Variants in GALNT13 observed in about 807,000 individuals in gnomAD.
GALNT13 encodes polypeptide N-acetylgalactosaminyltransferase 13, also known as UDP-GalNAc:polypeptide N-acetylgalactosaminyltransferase 13.
Under a neutral mutation model 64.2 loss-of-function variants are expected in GALNT13, and 28 were observed. The observed-to-expected ratio is 0.44, with a 90% CI of 0.32 to 0.60. The LOEUF (loss-of-function observed/expected upper bound fraction) is 0.60, where lower values mean the gene tolerates loss of function less well. GALNT13 is among the 20% of genes least tolerant of loss of function. GALNT13 has a pLI of 0.05. For synonymous variants in GALNT13, 214 were observed against 224.6 expected, an observed-to-expected ratio of 0.95 and a Z score of 0.42; for missense variants, 577 against 669.8, an observed-to-expected ratio of 0.86 and a Z score of 1.53.
the GALNT13 span, among the ~76,000 whole-genome samples, chr2:153,671,950 A>T: frequency 6.6e-6 from 1 of 152,230 alleles, no homozygotes; most frequent in Non-Finnish European, 1.5e-5. Context: ...CAAAAGAGAC[A>T]AAGAAGGCCA....
chr2:153,722,845 A>G, the GALNT13 span, among the ~76,000 whole-genome samples: 12 of 151,290 alleles, frequency 7.9e-5, no homozygotes, highest in Non-Finnish European at 1.3e-4. Context: ...CCAGGACCAG[A>G]TGGATTCACA....
At chr2:153,983,937 A>T (rs1416031280) in intron 3 of GALNT13, among the ~76,000 whole-genome samples, 3 of 151,988 alleles carry the variant, frequency 2.0e-5, no homozygotes, top group Non-Finnish European at 4.4e-5. Flanking sequence ...GTAAATGTTT[A>T]ATGGTATCAC....
At chr2:153,390,939 A>G in the GALNT13 span, among the ~76,000 whole-genome samples, 1 of 152,210 alleles carries the variant, frequency 6.6e-6, no homozygotes, top group South Asian at 2.1e-4. Flanking sequence ...GAAAAGAAAA[A>G]GTAGAACAGG....
At chr2:154,356,604 G>A (rs1281605910) in intron 9 of GALNT13, among the ~76,000 whole-genome samples, 2 of 151,752 alleles carry the variant, frequency 1.3e-5, no homozygotes, top group Non-Finnish European at 2.9e-5. Flanking sequence ...ACATCTTTTT[G>A]TAAATAACTA....
At chr2:153,989,455 A>T (rs997361786) in intron 3 of GALNT13, among the ~76,000 whole-genome samples, 1 of 151,972 alleles carries the variant, frequency 6.6e-6, no homozygotes, top group Non-Finnish European at 1.5e-5. Flanking sequence ...ACGTTGATAA[A>T]AGCCAACCAA....
chr2:153,455,295 T>A, the GALNT13 span, among the ~76,000 whole-genome samples: 1 of 152,200 alleles, frequency 6.6e-6, no homozygotes, highest in Non-Finnish European at 1.5e-5. Flanking sequence ...TTTTATGGGA[T>A]GAATAAAATA....
At chr2:153,701,597 G>A in the GALNT13 span, among the ~76,000 whole-genome samples, 2 of 151,852 alleles carry the variant, frequency 1.3e-5, no homozygotes, top group East Asian at 1.9e-4. Flanking sequence ...TCTGACAAAG[G>A]TCTAATATCC....
chr2:154,183,775 T>G (rs1177288303), intron 4 of GALNT13, among the ~76,000 whole-genome samples: 1 of 152,146 alleles, frequency 6.6e-6, no homozygotes, highest in Non-Finnish European at 1.5e-5. Flanking sequence ...AAAAAAATTC[T>G]TAGTTTCATT....
chr2:153,744,172 CT>C, the GALNT13 span, among the ~76,000 whole-genome samples: 1 of 152,018 alleles, frequency 6.6e-6, no homozygotes, highest in Non-Finnish European at 1.5e-5. Context: ...TACTGATTTT[CT>C]TTCTTTTGGG....
At chr2:153,105,319 A>T in the GALNT13 span, among the ~76,000 whole-genome samples, 1 of 152,158 alleles carries the variant, frequency 6.6e-6, no homozygotes, top group Non-Finnish European at 1.5e-5. Flanking sequence ...ACAAAATTCA[A>T]CAAAGCTTCA....
the GALNT13 span, among the ~76,000 whole-genome samples, chr2:153,546,188 A>G: frequency 3.3e-5 from 5 of 152,344 alleles, no homozygotes; most frequent in South Asian, 8.3e-4. Context: ...ATTTCATCAA[A>G]TAAAGACAAA....
the GALNT13 span, among the ~76,000 whole-genome samples, chr2:153,739,540 G>A: frequency 2.2e-5 from 3 of 136,226 alleles, 1 homozygote; most frequent in Non-Finnish European, 4.8e-5. Context: ...ATTTTTTAAT[G>A]TATTTATTTT....
chr2:153,630,994 T>C, the GALNT13 span, among the ~76,000 whole-genome samples: 1 of 151,154 alleles, frequency 6.6e-6, no homozygotes, highest in South Asian at 2.1e-4. Context: ...CGGTGTGCGA[T>C]GTTCCCCTTC....
the GALNT13 span, among the ~76,000 whole-genome samples, chr2:153,627,554 A>G: frequency 6.6e-6 from 1 of 152,112 alleles, no homozygotes; most frequent in South Asian, 2.1e-4. Context: ...AATGTTCCCA[A>G]CACAACATAA....
At chr2:153,105,683 A>C in the GALNT13 span, among the ~76,000 whole-genome samples, 1 of 152,184 alleles carries the variant, frequency 6.6e-6, no homozygotes, top group African/African-American at 2.4e-5. Context: ...CTCAGGATAC[A>C]AAATCAATGT....
At chr2:153,696,384 T>C in the GALNT13 span, among the ~76,000 whole-genome samples, 1 of 152,124 alleles carries the variant, frequency 6.6e-6, no homozygotes, top group African/African-American at 2.4e-5. Flanking sequence ...AGAATGAGGA[T>C]GAGTCTGCCT....
the GALNT13 span, among the ~76,000 whole-genome samples, chr2:153,161,335 T>C: frequency 6.6e-6 from 1 of 152,306 alleles, no homozygotes; most frequent in South Asian, 2.1e-4. Flanking sequence ...CAGATACTCT[T>C]CTAGACACCA....
At chr2:154,210,677 A>T (rs1687707971) in intron 4 of GALNT13, among the ~76,000 whole-genome samples, 1 of 152,172 alleles carries the variant, frequency 6.6e-6, no homozygotes, top group Non-Finnish European at 1.5e-5. Flanking sequence ...GATTGATATG[A>T]TCATAATTTA....
chr2:153,124,295 G>A, the GALNT13 span, among the ~76,000 whole-genome samples: 18 of 152,298 alleles, frequency 1.2e-4, no homozygotes, highest in Admixed American at 2.0e-4. Context: ...CAGAGAACTC[G>A]AGCTGTGTGT....
Sources: gnomAD v4.1 joint callset for allele counts (sites outside exome capture counted in the v4.1 genomes callset) on GRCh38, gnomAD v4.1.1 for gene constraint, MANE v1.5 for transcripts, NCBI Gene and HGNC (gene_info 2026-07-23, HGNC 2026-07-21) for gene names.